CYREN: variants seen among roughly 807,000 people sequenced by gnomAD.
The protein encoded by CYREN is cell cycle regulator of NHEJ.
In CYREN, 7 loss-of-function variants were observed where a neutral mutation model predicts 9.7. The ratio of observed to expected loss-of-function variants is 0.72; its 90% CI spans 0.41 to 1.36. The LOEUF is 1.36. Ranked by LOEUF, CYREN falls within the 40% of genes most tolerant of loss-of-function variation. CYREN has a pLI of 0.01. For missense variants in CYREN, 215 were observed against 198.1 expected, an observed-to-expected ratio of 1.09 and a Z score of -0.51; for synonymous variants, 76 against 77.9, an observed-to-expected ratio of 0.98 and a Z score of 0.13.
chr7:135,142,636 C>G (rs1395426751), intron 2 of CYREN, among the ~76,000 whole-genome samples: 1 of 152,096 alleles, frequency 6.6e-6, no homozygotes, highest in Non-Finnish European at 1.5e-5. Flanking sequence ...GACTGCAAGA[C>G]ACTAGGTTAA....
intron 2 of CYREN, among the ~76,000 whole-genome samples, chr7:135,137,115 A>T (rs1042610961): frequency 6.6e-5 from 10 of 152,074 alleles, no homozygotes; most frequent in African/African-American, 2.4e-4. Flanking sequence ...ATATTTCCAT[A>T]GAAATTTAAA....
At chr7:135,128,811 T>A (rs1317063938) in intron 2 of CYREN, 2 of 1,173,346 alleles carry the variant, frequency 1.7e-6, no homozygotes, top group Non-Finnish European at 2.6e-6. Context: ...AAGAGGAAAC[T>A]GTGGATGAGA....
downstream of CYREN, chr7:135,164,401 C>G (rs1199916404): frequency 6.4e-7 from 1 of 1,560,718 alleles, no homozygotes; most frequent in Admixed American, 1.7e-5. Flanking sequence ...GGACTGACTG[C>G]TGTGACTTCC....
At chr7:135,097,770 GAT>G (rs1487894299) in intron 2 of CYREN, among the ~76,000 whole-genome samples, 8 of 152,072 alleles carry the variant, frequency 5.3e-5, no homozygotes, top group African/African-American at 1.7e-4. Flanking sequence ...TGAGTTATTT[GAT>G]ATTATATGTA....
chr7:135,164,659 T>TG (rs1276647192), downstream of CYREN: 1 of 1,613,418 alleles, frequency 6.2e-7, no homozygotes, highest in Admixed American at 1.7e-5. Context: ...CTGGAAGCCC[T>TG]GGGGGTGCCT....
chr7:135,164,508 G>A, downstream of CYREN: 1 of 1,613,446 alleles, frequency 6.2e-7, no homozygotes, highest in Non-Finnish European at 8.5e-7. Flanking sequence ...CCTCGTGATT[G>A]TGGTCATCTG....
intron 2 of CYREN, among the ~76,000 whole-genome samples, chr7:135,142,157 G>A (rs1346342709): frequency 6.6e-6 from 1 of 151,964 alleles, no homozygotes; most frequent in East Asian, 1.9e-4. Context: ...GACAGTAAAA[G>A]AAAAAGTTGA....
intron 2 of CYREN, among the ~76,000 whole-genome samples, chr7:135,159,551 T>G (rs1036729354): frequency 6.6e-6 from 1 of 152,246 alleles, no homozygotes; most frequent in African/African-American, 2.4e-5. Context: ...CTGTAACTCT[T>G]GAGTGACAGT....
chr7:135,164,965 C>T (rs1830055050), downstream of CYREN: 1 of 1,603,930 alleles, frequency 6.2e-7, no homozygotes, highest in Non-Finnish European at 8.5e-7. Context: ...CCTCTGAGGG[C>T]TGAGAGGGCT....
intron 2 of CYREN, among the ~76,000 whole-genome samples, chr7:135,124,731 A>G (rs1258053232): frequency 6.6e-6 from 1 of 152,262 alleles, no homozygotes; most frequent in Non-Finnish European, 1.5e-5. Flanking sequence ...ATTACAACTC[A>G]GGATTAAAAA....
Position 135,166,749 on chromosome 7 carries a change from GT to G in CYREN, c.335del (p.Asp112AlafsTer37). The G allele has an allele frequency of 6.2e-7, 1 of 1,614,060 alleles. No individual in the cohort carries two copies. Among genetic ancestry groups the G allele is most frequent in the Non-Finnish European group, 8.5e-7 (1 of 1,180,038 alleles). On this transcript the variant is annotated frameshift_variant, in exon 4 of 4. Coordinates refer to ENST00000393114, the MANE Select transcript of CYREN (RefSeq NM_024033.4). LOFTEE classifies it low-confidence loss of function (END_TRUNC). Reference protein sequence around the residue: ...TSSGSSSEEEDSGKQALAPGL... With the variant: ...TSSGSSSEEEXSGKQALAPGL... ...CTGGAGCCAGTGCCTGTTTCCCACT[GT>G]CCTCTTCCTCACTGCTGCTCCCAGA... is the stretch of plus-strand genomic sequence containing the variant.
At chr7:135,103,984 T>C (rs1374366978) in intron 2 of CYREN, among the ~76,000 whole-genome samples, 1 of 152,084 alleles carries the variant, frequency 6.6e-6, no homozygotes, top group Non-Finnish European at 1.5e-5. Context: ...CTTATATAGG[T>C]AAACTTATGT....
chr7:135,166,652 CT>C lies in CYREN; in HGVS notation c.432del (p.Glu145ArgfsTer4). The C allele has an allele frequency of 6.2e-7, 1 of 1,606,566 alleles. No homozygotes were observed. The highest frequency in any genetic ancestry group is 1.1e-5 in the South Asian group (1 of 91,072). On this transcript the variant is annotated frameshift_variant, in exon 4 of 4. Coordinates refer to ENST00000393114, the MANE Select transcript of CYREN (RefSeq NM_024033.4). LOFTEE classifies it high-confidence loss of function. ...ACSRSPEEEE[E>X]EDVLKYVREI... ...TCCCGGACGTATTTCAGCACATCCT[CT>C]TCCTCCTCCTCCTCAGGGCTCCTGC...
intron 2 of CYREN, chr7:135,101,077 C>T (rs969123196): frequency 5.0e-6 from 2 of 397,292 alleles, no homozygotes; most frequent in African/African-American, 4.2e-5. Flanking sequence ...CAATTTTTTT[C>T]ATCTCCCAAA....
At chr7:135,158,006 G>A (rs987296884) in intron 2 of CYREN, among the ~76,000 whole-genome samples, 4 of 151,788 alleles carry the variant, frequency 2.6e-5, no homozygotes, top group East Asian at 1.9e-4. Context: ...ACAGCAACCC[G>A]TAGCAGGCAC....
intron 2 of CYREN, among the ~76,000 whole-genome samples, chr7:135,096,784 A>T (rs2116979055): frequency 6.6e-6 from 1 of 151,514 alleles, no homozygotes; most frequent in East Asian, 1.9e-4. Context: ...AGAAAGAAAG[A>T]AAGAAAGAAA....
chr7:135,158,177 G>A (rs78129283), intron 2 of CYREN, among the ~76,000 whole-genome samples: 7,604 of 151,932 alleles, frequency 0.05, 258 homozygotes, highest in Non-Finnish European at 0.08. Flanking sequence ...CAGGAGGGCA[G>A]GGGTCCCTCC....
intron 2 of CYREN, among the ~76,000 whole-genome samples, chr7:135,146,600 A>T (rs1829552064): frequency 6.6e-6 from 1 of 152,210 alleles, no homozygotes; most frequent in Non-Finnish European, 1.5e-5. Flanking sequence ...TTTAAACAAA[A>T]CTATAACCAA....
At chr7:135,147,833 G>C (rs1032837203) in intron 2 of CYREN, 1 of 456,096 alleles carries the variant, frequency 2.2e-6, no homozygotes, top group Non-Finnish European at 4.4e-6. Context: ...TGGGAGCTTC[G>C]AGAGTTCTTT....
Sources: allele counts gnomAD v4.1 joint callset (sites outside exome capture counted in the v4.1 genomes callset), GRCh38; gene constraint gnomAD v4.1.1; transcripts MANE v1.5; gene names NCBI Gene and HGNC (gene_info 2026-07-23, HGNC 2026-07-21).